EZH2: variants seen among roughly 807,000 people sequenced by gnomAD.
The protein encoded by EZH2 is histone-lysine N-methyltransferase EZH2.
Under a neutral mutation model 98.4 loss-of-function variants are expected in EZH2, and 18 were observed. The observed-to-expected ratio is 0.18, with a 90% CI of 0.13 to 0.27. The LOEUF is 0.27. Among genes scored for constraint, EZH2 ranks in the 10% least tolerant of loss-of-function variants. EZH2 has a pLI of 1.00. For missense variants in EZH2, 470 were observed against 935.1 expected, an observed-to-expected ratio of 0.50 and a Z score of 6.49; for synonymous variants, 338 against 312.3, an observed-to-expected ratio of 1.08 and a Z score of -0.87.
At chr7:148,854,312 T>G (rs1019435248) in intron 1 of EZH2, among the ~76,000 whole-genome samples, 2 of 151,984 alleles carry the variant, frequency 1.3e-5, no homozygotes, top group African/African-American at 4.8e-5. Flanking sequence ...GGCGGGCACC[T>G]GTAGTCCCAG....
At chr7:148,847,414 T>TAC in intron 1 of EZH2, 109 bp from the exon 2 acceptor site, 1 of 1,343,682 alleles carries the variant, frequency 7.4e-7, no homozygotes, top group Non-Finnish European at 1.0e-6. Context: ...TGACACATAT[T>TAC]ACACTGTTGG....
At chr7:148,844,248 A>G (rs1813375555) in intron 3 of EZH2, among the ~76,000 whole-genome samples, 1 of 152,228 alleles carries the variant, frequency 6.6e-6, no homozygotes, top group Non-Finnish European at 1.5e-5. Flanking sequence ...GAAAGAAAAA[A>G]TAAACAGGGA....
chr7:148,817,463 G>A, intron 10 of EZH2, 72 bp from the exon 11 acceptor site: 1 of 1,485,840 alleles, frequency 6.7e-7, no homozygotes, highest in Non-Finnish European at 9.1e-7. Flanking sequence ...TTCAGGGTGT[G>A]CTTAAGAAAA....
intron 13 of EZH2, 84 bp from the exon 14 acceptor site, chr7:148,815,123 C>A: frequency 6.6e-7 from 1 of 1,504,790 alleles, no homozygotes; most frequent in East Asian, 2.3e-5. Context: ...ACATTCTTCC[C>A]TACTACCTGT....
chr7:148,814,176 T>C lies in EZH2; in HGVS notation c.1673-39A>G, dbSNP rs200732557. ...TTTGGAGGTTCTTCACTCATCACCG[T>C]ATGCAAAAACTTGCAGAAAGATACG... On this transcript the variant is annotated intron_variant, in intron 14 of 19. Transcript: ENST00000320356. 7.6e-4 allele frequency: 1,219 copies of C among 1,595,478 alleles called. 1 individual carries two copies. Among genetic ancestry groups the C allele is most frequent in the Non-Finnish European group, 9.8e-4 (1,151 of 1,169,472 alleles).
chr7:148,881,663 G>A (rs1820974132), intron 1 of EZH2, among the ~76,000 whole-genome samples: 2 of 152,108 alleles, frequency 1.3e-5, no homozygotes, highest in Admixed American at 6.6e-5. Context: ...TAGGCTGGGC[G>A]TGGTGGCTCA....
chr7:148,830,536 T>A (rs976412600), intron 4 of EZH2, among the ~76,000 whole-genome samples: 2 of 152,194 alleles, frequency 1.3e-5, no homozygotes, highest in East Asian at 3.8e-4. Context: ...AATAAAATTC[T>A]AGGGATACAG....
At chr7:148,819,315 T>G (rs1244231516) in intron 9 of EZH2, among the ~76,000 whole-genome samples, 5 of 152,248 alleles carry the variant, frequency 3.3e-5, no homozygotes, top group Admixed American at 2.0e-4. Context: ...CTTGCAACTC[T>G]CATAGACTTT....
At chr7:148,844,092 C>T (rs1415864732) in intron 3 of EZH2, among the ~76,000 whole-genome samples, 1 of 152,136 alleles carries the variant, frequency 6.6e-6, no homozygotes. Context: ...ATCAATACTG[C>T]AGTCTGAAAT....
intron 1 of EZH2, among the ~76,000 whole-genome samples, chr7:148,848,339 C>T (rs1563027836): frequency 1.3e-5 from 2 of 152,078 alleles, no homozygotes; most frequent in African/African-American, 4.8e-5. Flanking sequence ...ACCACACTGG[C>T]GATGACAGGG....
intron 1 of EZH2, among the ~76,000 whole-genome samples, chr7:148,879,181 C>T (rs1293556450): frequency 4.0e-5 from 6 of 150,296 alleles, no homozygotes; most frequent in East Asian, 2.0e-4. Flanking sequence ...GCCGAGATCA[C>T]GCCACTGCAC....
At chr7:148,810,131 C>T (rs774123608) in intron 17 of EZH2, 12 of 447,532 alleles carry the variant, frequency 2.7e-5, no homozygotes, top group South Asian at 1.5e-4. Context: ...TCCAGAGAGG[C>T]GGTTTCCTGC....
intron 15 of EZH2, among the ~76,000 whole-genome samples, chr7:148,813,284 A>G (rs1803655045): frequency 6.6e-6 from 1 of 151,908 alleles, no homozygotes; most frequent in Admixed American, 6.6e-5. Context: ...AATGTCAGCT[A>G]TTATTATAAA....
intron 16 of EZH2, among the ~76,000 whole-genome samples, chr7:148,810,896 C>CAAAAAAAAAAAAAAAAAAAA (rs924758768): frequency 9.2e-5 from 4 of 43,676 alleles, no homozygotes; most frequent in African/African-American, 2.6e-4. Context: ...AACTCTGTCT[C>CAAAAAAAAAAAAAAAAAAAA]AAAAAAAAAA....
At chr7:148,882,139 T>C (rs558204967) in intron 1 of EZH2, among the ~76,000 whole-genome samples, 1 of 152,278 alleles carries the variant, frequency 6.6e-6, no homozygotes, top group East Asian at 1.9e-4. Context: ...TGTTATAATG[T>C]CTCAACACTT....
chr7:148,833,461 A>T (rs77414153), intron 3 of EZH2, among the ~76,000 whole-genome samples: 6 of 146,888 alleles, frequency 4.1e-5, no homozygotes, highest in African/African-American at 1.5e-4. Flanking sequence ...CGTCTCAAAA[A>T]AAAAAAAAAT....
intron 1 of EZH2, among the ~76,000 whole-genome samples, chr7:148,860,440 C>T (rs1406384786): frequency 6.6e-6 from 1 of 152,052 alleles, no homozygotes; most frequent in African/African-American, 2.4e-5. Flanking sequence ...CAACTGAGCC[C>T]TAAATCAGCC....
chr7:148,809,204 G>T, intron 18 of EZH2, 49 bp from the exon 19 acceptor site: 1 of 1,590,666 alleles, frequency 6.3e-7, no homozygotes, highest in Non-Finnish European at 8.6e-7. Context: ...GGGCCACGGG[G>T]GGTTAACTGA....
At chr7:148,846,629 A>G (rs1354268669) in intron 2 of EZH2, 31 bp from the exon 3 acceptor site, 9 of 1,597,794 alleles carry the variant, frequency 5.6e-6, no homozygotes, top group Admixed American at 3.4e-5. Context: ...AGAGGAAAGG[A>G]GAAATTGTTC....
Sources: gnomAD v4.1 joint callset for allele counts (sites outside exome capture counted in the v4.1 genomes callset) on GRCh38, gnomAD v4.1.1 for gene constraint, MANE v1.5 for transcripts, NCBI Gene and HGNC (gene_info 2026-07-23, HGNC 2026-07-21) for gene names.